The following SLC44A3 variants were observed in gnomAD, a reference collection of about 807,000 sequenced individuals.
SLC44A3 encodes choline transporter-like protein 3.
SLC44A3 carries 74 observed loss-of-function variants against 75.4 expected under a neutral mutation model. The ratio of observed to expected loss-of-function variants is 0.98; its 90% CI spans 0.81 to 1.19. The LOEUF is 1.19. SLC44A3 is among the 50% of genes most tolerant of loss of function. The probability of loss-of-function intolerance (pLI) is 0.00; values close to 1 mark genes in which losing one functional copy is unlikely to be tolerated. For synonymous variants in SLC44A3, 310 were observed against 296.9 expected (o/e 1.04, Z -0.45); for missense variants, 700 against 778.6 (o/e 0.90, Z 1.20).
chr1:94,829,110 A>G (rs999376576), intron 5 of SLC44A3, among the ~76,000 whole-genome samples: 1 of 151,888 alleles, frequency 6.6e-6, no homozygotes, highest in African/African-American at 2.4e-5. Flanking sequence ...TTTGTATACT[A>G]AAAATATACT....
intron 12 of SLC44A3, among the ~76,000 whole-genome samples, chr1:94,868,978 C>G (rs1349739280): frequency 3.3e-5 from 5 of 152,250 alleles, no homozygotes. Context: ...AAGGGTGGGC[C>G]CTGGCCCCAT....
At chr1:94,883,831 G>A (rs1669263427) in intron 12 of SLC44A3, among the ~76,000 whole-genome samples, 1 of 152,136 alleles carries the variant, frequency 6.6e-6, no homozygotes, top group Admixed American at 6.5e-5. Context: ...GAAGTCAAAT[G>A]AGCATTTGTC....
At chr1:94,825,358 T>C (rs1241164554) in intron 3 of SLC44A3, among the ~76,000 whole-genome samples, 1 of 151,990 alleles carries the variant, frequency 6.6e-6, no homozygotes, top group African/African-American at 2.4e-5. Flanking sequence ...TGAGACAGAC[T>C]CTCATTCTGT....
intron 10 of SLC44A3, among the ~76,000 whole-genome samples, chr1:94,860,672 G>A (rs1666459501): frequency 6.6e-6 from 1 of 152,222 alleles, no homozygotes; most frequent in Non-Finnish European, 1.5e-5. Context: ...TGTATAGCCA[G>A]TCTATACCTA....
chr1:94,863,871 T>G (rs899252265), intron 10 of SLC44A3, among the ~76,000 whole-genome samples: 1 of 152,232 alleles, frequency 6.6e-6, no homozygotes, highest in Non-Finnish European at 1.5e-5. Flanking sequence ...AAACCTTAAT[T>G]CATAGTGACT....
Position 94,895,109 on chromosome 1 carries a change from CCTTT to C in SLC44A3, c.*188_*191del. The stretch of plus-strand genomic sequence containing the variant: ...ACAATACTGGAACTATATTAGTTTA[CCTTT>C]TTTTGTACAAATTAGGACAGAAAAA... On this transcript the variant is annotated 3_prime_UTR_variant, in exon 15 of 15. Transcript: ENST00000271227. The C allele has an allele frequency of 1.9e-6, 1 of 525,546 alleles. No individual in the cohort carries two copies. Among genetic ancestry groups the C allele is most frequent in the Non-Finnish European group, 3.4e-6 (1 of 290,174 alleles). 32.6% of individuals were successfully genotyped at this position (525,546 alleles called of 1,614,324 possible).
chr1:94,848,908 A>G (rs1664813706), intron 9 of SLC44A3, among the ~76,000 whole-genome samples: 1 of 152,076 alleles, frequency 6.6e-6, no homozygotes, highest in Non-Finnish European at 1.5e-5. Context: ...AAAATACAGA[A>G]AGAGGCAAAG....
chr1:94,873,328 G>A (rs911273275), intron 12 of SLC44A3, among the ~76,000 whole-genome samples: 1 of 152,202 alleles, frequency 6.6e-6, no homozygotes, highest in Non-Finnish European at 1.5e-5. Context: ...ATAAGATCTA[G>A]TAAGTACATG....
intron 3 of SLC44A3, 141 bp downstream of exon 3, chr1:94,824,776 A>G (rs1408197174): frequency 3.0e-6 from 3 of 999,764 alleles, no homozygotes; most frequent in Non-Finnish European, 2.8e-6. Context: ...TGTATATAGT[A>G]CAGGTAAGAG....
At chr1:94,850,695 A>G (rs1665111216) in intron 9 of SLC44A3, among the ~76,000 whole-genome samples, 1 of 152,178 alleles carries the variant, frequency 6.6e-6, no homozygotes. Context: ...TTGCCTCACA[A>G]GGATGTTAGG....
Position 94,848,018 on chromosome 1 carries a change from T to G in SLC44A3, c.1072+2554T>G, listed in dbSNP as rs367795587. On this transcript the variant is annotated intron_variant, in intron 9 of 14. Coordinates refer to ENST00000271227, the MANE Select transcript of SLC44A3 (RefSeq NM_001114106.3). ...CCAAGGCGGGCGGATCATGAGGTCA[T>G]GAGATCGAGACCATCCTGGCTAACA... 1.7e-3 allele frequency among the ~76,000 whole-genome samples: 255 copies of G among 152,160 alleles called. 4 individuals carry two copies. The East Asian group carries it at 0.018, about 11-fold the overall frequency.
At chr1:94,832,812 A>G (rs980392036) in intron 5 of SLC44A3, among the ~76,000 whole-genome samples, 3 of 152,176 alleles carry the variant, frequency 2.0e-5, no homozygotes, top group African/African-American at 4.8e-5. Flanking sequence ...TGTCTCTACA[A>G]AAATTTAAAA....
At chr1:94,868,578 T>C (rs1667424434) in intron 12 of SLC44A3, among the ~76,000 whole-genome samples, 1 of 152,244 alleles carries the variant, frequency 6.6e-6, no homozygotes, top group Non-Finnish European at 1.5e-5. Context: ...CCAAACCGTT[T>C]GAATACATTT....
chr1:94,824,374 A>G (rs899227114), intron 2 of SLC44A3, 119 bp from the exon 3 acceptor site: 6 of 1,232,210 alleles, frequency 4.9e-6, no homozygotes, highest in Non-Finnish European at 3.3e-6. Flanking sequence ...GCAAAGCGCT[A>G]TGATGCTGGA....
chr1:94,867,830 A>G (rs1667341362), intron 12 of SLC44A3, among the ~76,000 whole-genome samples: 1 of 147,674 alleles, frequency 6.8e-6, no homozygotes, highest in Non-Finnish European at 1.5e-5. Context: ...CCTACCCTAG[A>G]ACCATAGGCC....
chr1:94,894,902 C>G lies in SLC44A3; in HGVS notation c.1942C>G (p.Leu648Val). 6.2e-7 allele frequency: 1 copy of G among 1,611,320 alleles called. No homozygotes were observed. Among genetic ancestry groups the G allele is most frequent in the Non-Finnish European group, 8.5e-7 (1 of 1,178,286 alleles). Residue 648 changes from leucine to valine, a missense_variant, in exon 15 of 15, where the codon CTC (leucine) becomes GTC (valine). By Grantham distance (32) the Leu-to-Val change is conservative (BLOSUM62 1). Coordinates refer to ENST00000271227, the MANE Select transcript of SLC44A3 (RefSeq NM_001114106.3). ...ATTAAGGAATGAGGAGGGAACAGAA[C>G]TCCAGGCCATTGTGAGATAGATACC... Reference protein sequence around the residue: ...HSLRNEEGTELQAIVR With the variant: ...HSLRNEEGTEVQAIVR
chr1:94,863,053 C>T (rs942262941), intron 10 of SLC44A3, among the ~76,000 whole-genome samples: 3 of 152,122 alleles, frequency 2.0e-5, no homozygotes, highest in Non-Finnish European at 4.4e-5. Flanking sequence ...CTCAGAGACA[C>T]ACCACTTCAT....
At position 94,820,364 on chromosome 1, in the gene SLC44A3, G is replaced by C; in HGVS notation, c.-88G>C. On this transcript the variant is annotated 5_prime_UTR_variant, in exon 1 of 15. Transcript: ENST00000271227. Reference sequence around the variant, plus strand: ...AGCCCCAGCCCCAGCCCCAGCCCCGGCCCCGGCCCCGGCTCGCGGGCGCTG... The same window carrying C: ...AGCCCCAGCCCCAGCCCCAGCCCCGCCCCCGGCCCCGGCTCGCGGGCGCTG... 2 of 1,330,946 alleles carry C rather than the reference G, an allele frequency of 1.5e-6. No homozygotes were observed. Among genetic ancestry groups the C allele is most frequent in the East Asian group, 3.3e-5 (1 of 30,330 alleles). The allele number at this position is 1,330,946 out of a possible 1,614,324, so 82.4% of individuals were successfully genotyped here. A position where few individuals can be genotyped will look rare whatever the true frequency, so the allele number is the denominator to read the frequency against.
At chr1:94,874,376 G>A (rs906411465) in intron 12 of SLC44A3, among the ~76,000 whole-genome samples, 1 of 152,180 alleles carries the variant, frequency 6.6e-6, no homozygotes, top group African/African-American at 2.4e-5. Context: ...GGCTCAGGAG[G>A]GTGAGGCCCA....
Sources: gnomAD v4.1 joint callset for allele counts (sites outside exome capture counted in the v4.1 genomes callset) on GRCh38, gnomAD v4.1.1 for gene constraint, MANE v1.5 for transcripts, NCBI Gene and HGNC (gene_info 2026-07-23, HGNC 2026-07-21) for gene names.